Variants in GNAZ observed in about 807,000 individuals in gnomAD.
GNAZ encodes the protein G protein subunit alpha z.
A neutral mutation model predicts 25.4 loss-of-function variants in GNAZ; 3 were observed. The ratio of observed to expected loss-of-function variants is 0.12; its 90% confidence interval spans 0.05 to 0.30. GNAZ has a LOEUF of 0.30. Among genes scored for constraint, GNAZ ranks in the 10% least tolerant of loss-of-function variants. GNAZ has a pLI of 1.00. For synonymous variants in GNAZ, 211 were observed against 205.7 expected (o/e 1.03, Z -0.22); for missense variants, 241 against 501.8 (o/e 0.48, Z 4.97).
chr22:23,113,683 G>A (rs2069726657), intron 2 of GNAZ, among the ~76,000 whole-genome samples: 1 of 152,232 alleles, frequency 6.6e-6, no homozygotes, highest in African/African-American at 2.4e-5. Flanking sequence ...CGGTACACCT[G>A]CCAGGACCTC....
chr22:23,097,211 G>A (rs1358938677), intron 2 of GNAZ, among the ~76,000 whole-genome samples: 1 of 152,182 alleles, frequency 6.6e-6, no homozygotes, highest in African/African-American at 2.4e-5. Flanking sequence ...TCACGAAGTT[G>A]TGGGTACCCT....
chr22:23,092,392 C>T lies in GNAZ; in HGVS notation c.-449-2855C>T, dbSNP rs141200056. On this transcript the variant is annotated intron_variant, in intron 1 of 2. Coordinates refer to ENST00000615612, the MANE Select transcript of GNAZ (RefSeq NM_002073.4). ...GTGCCCCTGCACAGGGCGCTCATAC[C>T]CCCAAACACAACACAGCCCCACAGA... Among the ~76,000 whole-genome samples, 246 of 152,220 alleles carry T rather than the reference C, an allele frequency of 1.6e-3. 1 individual carries two copies. The highest frequency in any genetic ancestry group is 5.7e-3 in the African/African-American group (237 of 41,526).
At chr22:23,116,706 C>T (rs1346037579) in intron 2 of GNAZ, among the ~76,000 whole-genome samples, 1 of 152,208 alleles carries the variant, frequency 6.6e-6, no homozygotes, top group Non-Finnish European at 1.5e-5. Flanking sequence ...CTCACCTCCC[C>T]ACCCCCAGCC....
At chr22:23,113,226 C>T (rs1442575402) in intron 2 of GNAZ, among the ~76,000 whole-genome samples, 2 of 152,350 alleles carry the variant, frequency 1.3e-5, no homozygotes, top group East Asian at 1.9e-4. Context: ...ACAGCTGGGG[C>T]CCCAGCGCCA....
At chr22:23,076,891 G>A (rs1280991246) in intron 1 of GNAZ, among the ~76,000 whole-genome samples, 2 of 152,232 alleles carry the variant, frequency 1.3e-5, no homozygotes, top group Non-Finnish European at 2.9e-5. Context: ...TAGAAGTCCA[G>A]CTCTGCCTGT....
chr22:23,095,599 A>G lies in GNAZ; in HGVS notation c.-97A>G, dbSNP rs1601791823. The G allele has an allele frequency of 7.2e-7, 1 of 1,381,742 alleles. No homozygotes were observed. Among genetic ancestry groups the G allele is most frequent in the African/African-American group, 1.5e-5 (1 of 68,956 alleles). The allele number at this position is 1,381,742 out of a possible 1,614,324, so 85.6% of individuals were successfully genotyped here. On this transcript the variant is annotated 5_prime_UTR_variant, in exon 2 of 3. Coordinates refer to ENST00000615612, the MANE Select transcript of GNAZ (RefSeq NM_002073.4). ...TGCTGGCACTGAGTGCCTCCAGGGC[A>G]GCTGGGCTCTTGTCTGCCTGGTCTC...
At chr22:23,116,002 C>T (rs1035433638) in intron 2 of GNAZ, among the ~76,000 whole-genome samples, 2 of 152,240 alleles carry the variant, frequency 1.3e-5, no homozygotes, top group African/African-American at 2.4e-5. Flanking sequence ...AGGTGCCGCG[C>T]ATGTGCCAGA....
chr22:23,115,048 G>A (rs184066990), intron 2 of GNAZ, among the ~76,000 whole-genome samples: 4 of 152,320 alleles, frequency 2.6e-5, no homozygotes, highest in Admixed American at 2.6e-4. Flanking sequence ...TTTTATGTGA[G>A]GTTTGAGGCC....
At chr22:23,117,934 G>A (rs369689964) in intron 2 of GNAZ, among the ~76,000 whole-genome samples, 19 of 152,238 alleles carry the variant, frequency 1.2e-4, no homozygotes, top group African/African-American at 4.1e-4. Context: ...ACCTTGCCCC[G>A]GCCGCTGACC....
chr22:23,087,388 C>T (rs1369846989), intron 1 of GNAZ, among the ~76,000 whole-genome samples: 1 of 152,036 alleles, frequency 6.6e-6, no homozygotes, highest in African/African-American at 2.4e-5. Flanking sequence ...CGCTTGAGCC[C>T]GGGGGGTTGA....
chr22:23,102,604 C>T (rs554452308), intron 2 of GNAZ, among the ~76,000 whole-genome samples: 4 of 152,316 alleles, frequency 2.6e-5, no homozygotes, highest in East Asian at 3.9e-4. Context: ...GCTTGGGCTG[C>T]CCCCACACCT....
chr22:23,097,597 C>T (rs961489871), intron 2 of GNAZ, among the ~76,000 whole-genome samples: 2 of 152,250 alleles, frequency 1.3e-5, no homozygotes, highest in Non-Finnish European at 2.9e-5. Context: ...TGTACGCAGG[C>T]GGCTGCGTCC....
intron 1 of GNAZ, 153 bp downstream of exon 1, chr22:23,070,723 G>C (rs1156406661): frequency 6.6e-6 from 1 of 152,264 alleles, no homozygotes; most frequent in Non-Finnish European, 1.5e-5. Flanking sequence ...CCCCTCAGGG[G>C]TGGGGGACAC....
chr22:23,083,922 T>C (rs570282265), intron 1 of GNAZ, among the ~76,000 whole-genome samples: 1 of 152,318 alleles, frequency 6.6e-6, no homozygotes, highest in Admixed American at 6.5e-5. Flanking sequence ...AGGTTCTCCC[T>C]GGGCTTCACA....
chr22:23,075,463 A>G (rs917687730), intron 1 of GNAZ, among the ~76,000 whole-genome samples: 3 of 152,196 alleles, frequency 2.0e-5, no homozygotes, highest in Admixed American at 1.3e-4. Context: ...CAGGCCCTGG[A>G]CCTACATGGC....
chr22:23,099,912 G>T (rs1056780948), intron 2 of GNAZ, among the ~76,000 whole-genome samples: 1 of 152,268 alleles, frequency 6.6e-6, no homozygotes, highest in African/African-American at 2.4e-5. Flanking sequence ...CCCAACCTCT[G>T]CCCTTGCGGA....
At chr22:23,081,983 G>A (rs1295572557) in intron 1 of GNAZ, among the ~76,000 whole-genome samples, 1 of 151,122 alleles carries the variant, frequency 6.6e-6, no homozygotes, top group Admixed American at 6.6e-5. Context: ...AAATTAGCTG[G>A]GTGTGGTGGC....
rs6003504 is a variant in GNAZ at position 23,096,431 on chromosome 22, G to A, written c.723+13G>A. ...GGATAACCAGACAGTAAGTGGGGCC[G>A]GGGGTTTTCCTCTGCTTGTTCCTGC... On this transcript the variant is annotated intron_variant, in intron 2 of 2. Transcript: ENST00000615612. 61 of 1,587,340 alleles carry A rather than the reference G, an allele frequency of 3.8e-5. No homozygotes were observed. Among genetic ancestry groups the A allele is most frequent in the African/African-American group, 3.2e-4 (24 of 74,822 alleles).
At chr22:23,103,770 T>TC in intron 2 of GNAZ, among the ~76,000 whole-genome samples, 1 of 152,132 alleles carries the variant, frequency 6.6e-6, no homozygotes, top group East Asian at 1.9e-4. Context: ...ACAAACTCAG[T>TC]CTAGGGACAG....
Sources: gnomAD v4.1 joint callset for allele counts (sites outside exome capture counted in the v4.1 genomes callset) on GRCh38, gnomAD v4.1.1 for gene constraint, MANE v1.5 for transcripts, NCBI Gene and HGNC (gene_info 2026-07-23, HGNC 2026-07-21) for gene names.